Variants in LRRC8D observed in about 807,000 individuals in gnomAD.
The protein encoded by LRRC8D is volume-regulated anion channel subunit LRRC8D.
LRRC8D carries 20 observed loss-of-function variants against 55.8 expected under a neutral mutation model. That is an observed-to-expected ratio of 0.36 (90% CI 0.25 to 0.52). LRRC8D has a LOEUF of 0.52. Ranked by LOEUF, LRRC8D falls within the 20% of genes least tolerant of loss-of-function variation. The pLI is 0.93. For missense variants in LRRC8D, 651 were observed against 1,030.8 expected, an observed-to-expected ratio of 0.63 and a Z score of 5.05; for synonymous variants, 352 against 377.0, an observed-to-expected ratio of 0.93 and a Z score of 0.77.
chr1:89,889,024 G>A (rs550089114), intron 2 of LRRC8D, among the ~76,000 whole-genome samples: 2 of 152,128 alleles, frequency 1.3e-5, no homozygotes, highest in Non-Finnish European at 2.9e-5. Flanking sequence ...GCTGTGCATG[G>A]TGACTTCCCT....
intron 1 of LRRC8D, chr1:89,843,366 A>C (rs1396512457): frequency 7.2e-6 from 2 of 277,096 alleles, no homozygotes; most frequent in Non-Finnish European, 1.3e-5. Flanking sequence ...CAGCAGCTGC[A>C]AACGGAAGGG....
chr1:89,883,468 C>T lies in LRRC8D; in HGVS notation c.-3+39686C>T, dbSNP rs11801867. The stretch of plus-strand genomic sequence containing the variant: ...CCTGGGTTTTCTGAGTGCAGGATCA[C>T]GACCAGATGGTAAGGGAGGAGGAGA... On this transcript the variant is annotated intron_variant, in intron 2 of 2. Coordinates refer to ENST00000337338, the MANE Select transcript of LRRC8D (RefSeq NM_001134479.2). Among the ~76,000 whole-genome samples the T allele has an allele frequency of 9.4e-3, 1,435 of 152,184 alleles. 22 individuals are homozygous for T. The highest frequency in any genetic ancestry group is 0.033 in the African/African-American group (1,384 of 41,498).
intron 2 of LRRC8D, among the ~76,000 whole-genome samples, chr1:89,906,692 G>A (rs1054270906): frequency 6.6e-6 from 1 of 152,128 alleles, no homozygotes; most frequent in African/African-American, 2.4e-5. Flanking sequence ...AGTTGTGTTA[G>A]CCACTCCATG....
rs537260087 is a variant in LRRC8D at position 89,900,573 on chromosome 1, C to G, written c.-2-32494C>G. Among the ~76,000 whole-genome samples, 5 of 151,926 alleles carry G rather than the reference C, an allele frequency of 3.3e-5. No individual in the cohort carries two copies. The East Asian group carries it at 9.7e-4, about 29-fold the overall frequency. On this transcript the variant is annotated intron_variant, in intron 2 of 2. Transcript: ENST00000337338. Reference sequence around the variant, plus strand: ...TCAGGCCAGATGTAGTACATGTTTACCACTTGAGGTGAACATCGAAGCATA... The same window carrying G: ...TCAGGCCAGATGTAGTACATGTTTAGCACTTGAGGTGAACATCGAAGCATA...
chr1:89,823,211 C>G (rs1660681595), intron 1 of LRRC8D, among the ~76,000 whole-genome samples: 1 of 152,118 alleles, frequency 6.6e-6, no homozygotes, highest in South Asian at 2.1e-4. Context: ...CTTCCATTAC[C>G]ATGTGGAGTA....
intron 2 of LRRC8D, among the ~76,000 whole-genome samples, chr1:89,892,734 A>T (rs987163772): frequency 6.6e-6 from 1 of 152,066 alleles, no homozygotes; most frequent in Non-Finnish European, 1.5e-5. Context: ...GTTAGCCAGG[A>T]TGGTCTCGAT....
chr1:89,921,060 C>G (rs895217050), intron 2 of LRRC8D, among the ~76,000 whole-genome samples: 1 of 152,186 alleles, frequency 6.6e-6, no homozygotes, highest in Admixed American at 6.5e-5. Flanking sequence ...GTAGTTAATT[C>G]ATGCCTACAT....
intron 2 of LRRC8D, among the ~76,000 whole-genome samples, chr1:89,861,926 C>G (rs1387444766): frequency 1.3e-5 from 2 of 152,090 alleles, no homozygotes; most frequent in South Asian, 2.1e-4. Flanking sequence ...AATGATTCAT[C>G]CTCTTTAAGG....
At chr1:89,904,519 C>T (rs934452742) in intron 2 of LRRC8D, among the ~76,000 whole-genome samples, 4 of 152,314 alleles carry the variant, frequency 2.6e-5, no homozygotes, top group Admixed American at 1.3e-4. Context: ...AGGACAGGGG[C>T]ATCTGAACTC....
intron 1 of LRRC8D, among the ~76,000 whole-genome samples, chr1:89,832,681 A>C (rs889663738): frequency 6.6e-6 from 1 of 152,062 alleles, no homozygotes; most frequent in Non-Finnish European, 1.5e-5. Context: ...TAGGGACTCT[A>C]CTCTACAGAT....
intron 2 of LRRC8D, among the ~76,000 whole-genome samples, chr1:89,869,390 G>A (rs537362371): frequency 6.6e-6 from 1 of 152,156 alleles, no homozygotes; most frequent in African/African-American, 2.4e-5. Flanking sequence ...GAAATAAAGC[G>A]AGAAGACAAG....
At chr1:89,843,851 C>G in intron 2 of LRRC8D, 69 bp downstream of exon 2, 1 of 583,006 alleles carries the variant, frequency 1.7e-6, no homozygotes. Context: ...CTGCTAGTGT[C>G]GGATCTGCAT....
intron 2 of LRRC8D, among the ~76,000 whole-genome samples, chr1:89,920,004 T>C (rs1193145468): frequency 6.6e-6 from 1 of 152,172 alleles, no homozygotes; most frequent in East Asian, 1.9e-4. Flanking sequence ...ACTGAGATTG[T>C]ATGGAATAAA....
chr1:89,878,439 T>C (rs540973854), intron 2 of LRRC8D, among the ~76,000 whole-genome samples: 10 of 152,250 alleles, frequency 6.6e-5, no homozygotes, highest in Non-Finnish European at 1.5e-4. Context: ...TATTTTCTTA[T>C]GCAAGTAGTC....
chr1:89,840,840 T>G (rs1286535797), intron 1 of LRRC8D, among the ~76,000 whole-genome samples: 2 of 152,218 alleles, frequency 1.3e-5, no homozygotes, highest in African/African-American at 4.8e-5. Flanking sequence ...TTCTTAAGAA[T>G]TTAAATATTT....
intron 2 of LRRC8D, among the ~76,000 whole-genome samples, chr1:89,866,623 A>G (rs965399076): frequency 1.1e-4 from 17 of 152,100 alleles, no homozygotes; most frequent in African/African-American, 4.1e-4. Context: ...ACTTTTCTTT[A>G]GCCTTTGAGC....
At chr1:89,918,619 C>A (rs1198520530) in intron 2 of LRRC8D, among the ~76,000 whole-genome samples, 1 of 152,154 alleles carries the variant, frequency 6.6e-6, no homozygotes, top group African/African-American at 2.4e-5. Flanking sequence ...TATCACCTGC[C>A]CTCTGCTTAG....
intron 2 of LRRC8D, among the ~76,000 whole-genome samples, chr1:89,907,028 A>C (rs6671573): frequency 0.031 from 4,690 of 152,048 alleles, 246 homozygotes; most frequent in African/African-American, 0.11. Context: ...GTCTGTAAGA[A>C]ACAGAAGAAT....
intron 2 of LRRC8D, among the ~76,000 whole-genome samples, chr1:89,864,883 A>G (rs1026046114): frequency 1.3e-5 from 2 of 152,138 alleles, no homozygotes; most frequent in African/African-American, 4.8e-5. Context: ...AGCTTTGACT[A>G]CAGGGTATGT....
Sources: gnomAD v4.1 joint callset for allele counts (sites outside exome capture counted in the v4.1 genomes callset) on GRCh38, gnomAD v4.1.1 for gene constraint, MANE v1.5 for transcripts, NCBI Gene and HGNC (gene_info 2026-07-23, HGNC 2026-07-21) for gene names.